PNPT1: variants seen among roughly 807,000 people sequenced by gnomAD.
PNPT1 encodes the protein polyribonucleotide nucleotidyltransferase 1, mitochondrial.
Under a neutral mutation model 119.5 loss-of-function variants are expected in PNPT1, and 53 were observed. The ratio of observed to expected loss-of-function variants is 0.44; its 90% CI spans 0.36 to 0.56. The LOEUF is 0.56. Among genes scored for constraint, PNPT1 ranks in the 20% least tolerant of loss-of-function variants. PNPT1 has a pLI of 0.00. For synonymous variants in PNPT1, 357 were observed against 322.1 expected (o/e 1.11, Z -1.16); for missense variants, 948 against 938.5 (o/e 1.01, Z -0.13).
rs768146437 is a variant in PNPT1, at chr2:55,693,816, G to A, written c.8C>T (p.Ala3Val). The stretch of plus-strand genomic sequence containing the variant: ...GAGGCACGAGCAGCAGTACCTGCAG[G>A]CCGCCATGACACCCGGCACGCGGTC... MAACRYCCSCLRL... is the reference protein window; with the variant it reads MAVCRYCCSCLRL... Residue 3 changes from alanine (A) to valine (V), a missense_variant, in exon 1 of 28, where the codon GCC becomes GTC. Physicochemically the swap from Ala to Val is moderately conservative, Grantham distance 64. Coordinates refer to ENST00000447944, the MANE Select transcript of PNPT1 (RefSeq NM_033109.5). 3.7e-6 allele frequency: 6 copies of A among 1,613,486 alleles called. No individual in the cohort carries two copies. The highest frequency in any genetic ancestry group is 1.7e-5 in the Admixed American group (1 of 60,000).
intron 4 of PNPT1, 76 bp from the exon 5 acceptor site, chr2:55,683,910 A>G: frequency 7.3e-7 from 1 of 1,368,098 alleles, no homozygotes; most frequent in South Asian, 1.2e-5. Context: ...GAACTAATAT[A>G]GATAGCCATT....
At chr2:55,683,014 CT>C (rs1358989587) in intron 5 of PNPT1, among the ~76,000 whole-genome samples, 1 of 152,116 alleles carries the variant, frequency 6.6e-6, no homozygotes, top group African/African-American at 2.4e-5. Flanking sequence ...GAAATGGTTA[CT>C]TAAGTATATG....
At chr2:55,649,302 G>C (rs766014673) in intron 18 of PNPT1, among the ~76,000 whole-genome samples, 2 of 152,096 alleles carry the variant, frequency 1.3e-5, no homozygotes, top group Non-Finnish European at 2.9e-5. Context: ...GATGATGAAA[G>C]AAATACATAT....
chr2:55,689,445 G>T (rs1469819268), intron 1 of PNPT1, among the ~76,000 whole-genome samples: 2 of 152,118 alleles, frequency 1.3e-5, no homozygotes, highest in Non-Finnish European at 2.9e-5. Context: ...GTTCCCAAAT[G>T]GAAACAACCC....
intron 26 of PNPT1, among the ~76,000 whole-genome samples, chr2:55,638,506 G>A (rs996405097): frequency 2.0e-5 from 3 of 151,910 alleles, no homozygotes; most frequent in South Asian, 2.1e-4. Context: ...AAAATTAGCC[G>A]GGTGTAGCGG....
At chr2:55,641,627 C>G (rs1695836287) in intron 25 of PNPT1, among the ~76,000 whole-genome samples, 1 of 152,126 alleles carries the variant, frequency 6.6e-6, no homozygotes, top group Non-Finnish European at 1.5e-5. Flanking sequence ...AACTAATCTT[C>G]CCTTTTTTCT....
At position 55,680,764 on chromosome 2, in the gene PNPT1, A is replaced by G; in HGVS notation, c.518-5T>C. 1 of 1,613,604 alleles carries G rather than the reference A, an allele frequency of 6.2e-7. No homozygotes were observed. The highest frequency in any genetic ancestry group is 8.5e-7 in the Non-Finnish European group (1 of 1,179,852). ...ATAATGAGAGGGCTACGGAAGCTTA[A>G]AAAAGGAGAAAAATCAGGGCCGAAA... On this transcript the variant is annotated splice_region_variant and splice_polypyrimidine_tract_variant and intron_variant, in intron 6 of 27. Transcript: ENST00000447944.
chr2:55,671,967 A>C (rs1381095569), intron 10 of PNPT1, 28 bp downstream of exon 10: 1 of 1,540,386 alleles, frequency 6.5e-7, no homozygotes, highest in Non-Finnish European at 8.8e-7. Flanking sequence ...TAGGGCAATT[A>C]TGGAAGACAA....
At chr2:55,648,433 T>C (rs749347783) in intron 18 of PNPT1, among the ~76,000 whole-genome samples, 50 of 152,240 alleles carry the variant, frequency 3.3e-4, no homozygotes, top group Admixed American at 5.9e-4. Flanking sequence ...TCTAAAGACA[T>C]AGCATTTTAA....
At chr2:55,674,931 T>C (rs1313115738) in intron 8 of PNPT1, among the ~76,000 whole-genome samples, 1 of 152,192 alleles carries the variant, frequency 6.6e-6, no homozygotes, top group Non-Finnish European at 1.5e-5. Flanking sequence ...ATTCATTTAA[T>C]GGGTATAAAT....
chr2:55,672,319 A>T (rs1696940708), intron 9 of PNPT1, among the ~76,000 whole-genome samples: 1 of 152,044 alleles, frequency 6.6e-6, no homozygotes, highest in Admixed American at 6.6e-5. Context: ...TTCACCTTTC[A>T]TATATTCTTT....
At chr2:55,651,497 A>G (rs369020877) in intron 18 of PNPT1, among the ~76,000 whole-genome samples, 38 of 152,194 alleles carry the variant, frequency 2.5e-4, no homozygotes, top group African/African-American at 8.4e-4. Flanking sequence ...GCTCTCTGAA[A>G]CATGTGCTGT....
In PNPT1 at chr2:55,656,300, C is replaced by T; in HGVS notation, c.1351+5G>A. The T allele has an allele frequency of 6.2e-7, 1 of 1,611,754 alleles. No homozygotes were observed. The highest frequency in any genetic ancestry group is 1.7e-5 in the Admixed American group (1 of 59,772). On this transcript the variant is annotated splice_donor_5th_base_variant and intron_variant, in intron 16 of 27. Coordinates refer to ENST00000447944, the MANE Select transcript of PNPT1 (RefSeq NM_033109.5). ...ACCGTATTAAGTTTACAGACCTGTACTTACCATGCCCAAGTTCTCTTCTAT... is the reference window on the plus strand; with the variant it reads ...ACCGTATTAAGTTTACAGACCTGTATTTACCATGCCCAAGTTCTCTTCTAT...
At chr2:55,681,037 T>C in intron 5 of PNPT1, 119 bp from the exon 6 acceptor site, 2 of 759,180 alleles carry the variant, frequency 2.6e-6, no homozygotes, top group Non-Finnish European at 2.2e-6. Context: ...CCTCTTAATT[T>C]TGGCTGTCAT....
rs1424573915 is a variant in PNPT1 at position 55,651,221 on chromosome 2, C to A, written c.1495+3679G>T. Among the ~76,000 whole-genome samples, 3 of 151,810 alleles carry A rather than the reference C, an allele frequency of 2.0e-5. No homozygotes were observed. The East Asian group carries it at 5.9e-4, about 30-fold the overall frequency. On this transcript the variant is annotated intron_variant, in intron 18 of 27. Transcript: ENST00000447944. Reference sequence around the variant, plus strand: ...GAGGGGCGCCTCTGCCCGGCCGCCCCTACTGGGAAGTGAGGAGCCCCTCTG... The same window carrying A: ...GAGGGGCGCCTCTGCCCGGCCGCCCATACTGGGAAGTGAGGAGCCCCTCTG...
In PNPT1 at chr2:55,640,607, A is replaced by G. The variant is rs368198928; in HGVS notation, c.2148+20T>C. The G allele has an allele frequency of 1.0e-5, 16 of 1,538,778 alleles. No individual in the cohort carries two copies. The African/African-American group carries it at 2.2e-4, about 21-fold the overall frequency. On this transcript the variant is annotated intron_variant, in intron 26 of 27. Coordinates refer to ENST00000447944, the MANE Select transcript of PNPT1 (RefSeq NM_033109.5). The stretch of plus-strand genomic sequence containing the variant: ...TCAAGGCAGTTATAAAAATAATAAC[A>G]ATAACATCTGTCTTTTTACCTTTCG...
At chr2:55,692,535 C>T (rs573418382) in intron 1 of PNPT1, among the ~76,000 whole-genome samples, 7 of 151,722 alleles carry the variant, frequency 4.6e-5, no homozygotes, top group African/African-American at 1.7e-4. Flanking sequence ...AAAAGCGGTC[C>T]CCTAAAAAAA....
chr2:55,644,187 C>G (rs994503452), intron 23 of PNPT1, among the ~76,000 whole-genome samples: 2 of 152,170 alleles, frequency 1.3e-5, no homozygotes, highest in Non-Finnish European at 2.9e-5. Context: ...GCTTCTCACT[C>G]TCTTGCAGTA....
intron 22 of PNPT1, 47 bp from the exon 23 acceptor site, chr2:55,644,767 T>C (rs1695933896): frequency 7.1e-7 from 1 of 1,401,622 alleles, no homozygotes; most frequent in Non-Finnish European, 9.9e-7. Context: ...ACTACATACA[T>C]GAACCTAAAA....
Sources: allele counts gnomAD v4.1 joint callset (sites outside exome capture counted in the v4.1 genomes callset), GRCh38; gene constraint gnomAD v4.1.1; transcripts MANE v1.5; gene names NCBI Gene and HGNC (gene_info 2026-07-23, HGNC 2026-07-21).